The following TENM1 variants were observed in gnomAD, a reference collection of about 807,000 sequenced individuals.
The protein encoded by TENM1 is teneurin transmembrane protein 1.
A neutral mutation model predicts 174.8 loss-of-function variants in TENM1; 35 were observed. That is an observed-to-expected ratio of 0.20 (90% CI 0.15 to 0.27). The LOEUF is 0.27. Ranked by LOEUF, TENM1 falls within the 10% of genes least tolerant of loss-of-function variation. TENM1 has a pLI of 1.00. For missense variants in TENM1, 1,633 were observed against 2,130.1 expected (o/e 0.77, Z 4.59); for synonymous variants, 781 against 798.7 (o/e 0.98, Z 0.37).
At chrX:124,752,946 T>A (rs1465283323) in intron 3 of TENM1, among the ~76,000 whole-genome samples, 3 of 111,244 alleles carry the variant, frequency 2.7e-5, no homozygotes, top group Non-Finnish European at 5.7e-5. Context: ...AGCTTTGTTC[T>A]TTTGGCTTAG....
the TENM1 span, among the ~76,000 whole-genome samples, chrX:125,094,289 T>C: frequency 1.3e-4 from 15 of 111,995 alleles, no homozygotes; most frequent in Non-Finnish European, 1.3e-4. Flanking sequence ...ATCATACTTT[T>C]AATATTAAAT....
chrX:125,127,891 T>G, the TENM1 span, among the ~76,000 whole-genome samples: 1 of 111,185 alleles, frequency 9.0e-6, no homozygotes, highest in Admixed American at 9.6e-5. Flanking sequence ...ACCTCCCTTA[T>G]GAAGAGGTAG....
chrX:124,449,471 T>C (rs1315584077), intron 23 of TENM1, among the ~76,000 whole-genome samples: 1 of 112,401 alleles, frequency 8.9e-6, no homozygotes, highest in African/African-American at 3.2e-5. Flanking sequence ...ATAATTCTCT[T>C]TTCAACATAA....
chrX:124,659,786 T>C (rs1263614050), intron 6 of TENM1, among the ~76,000 whole-genome samples: 2 of 111,670 alleles, frequency 1.8e-5, no homozygotes, highest in Non-Finnish European at 3.8e-5. Context: ...GATATATAGA[T>C]CAATGGAATA....
chrX:124,382,656 A>C lies in TENM1; in HGVS notation c.7440+14T>G. On this transcript the variant is annotated intron_variant, in intron 31 of 31. Coordinates refer to ENST00000422452, the Ensembl canonical transcript of TENM1. ...TTGTTTCAGCTAAAAGGAGGTGATA[A>C]AACTTTTACTAACCTTTCCAGGATC... 2 of 1,202,171 alleles carry C rather than the reference A, an allele frequency of 1.7e-6. No individual in the cohort carries two copies. Among genetic ancestry groups the C allele is most frequent in the East Asian group, 6.0e-5 (2 of 33,274 alleles).
At chrX:124,717,760 C>T (rs1182771529) in intron 4 of TENM1, among the ~76,000 whole-genome samples, 2 of 111,986 alleles carry the variant, frequency 1.8e-5, no homozygotes, top group African/African-American at 3.2e-5. Context: ...AAACAGAGTT[C>T]ATGCATATAG....
At chrX:124,923,427 T>C (rs1210992225) in intron 1 of TENM1, among the ~76,000 whole-genome samples, 1 of 112,026 alleles carries the variant, frequency 8.9e-6, no homozygotes, top group Non-Finnish European at 1.9e-5. Flanking sequence ...TGTCTGGGAA[T>C]AAAATTTGTC....
At chrX:124,611,809 A>G (rs1426947653) in intron 11 of TENM1, among the ~76,000 whole-genome samples, 2 of 111,703 alleles carry the variant, frequency 1.8e-5, no homozygotes, top group Non-Finnish European at 3.8e-5. Context: ...ACATAATGCT[A>G]CCCATAACGA....
At chrX:124,511,896 T>C (rs922771513) in intron 18 of TENM1, among the ~76,000 whole-genome samples, 3 of 111,779 alleles carry the variant, frequency 2.7e-5, no homozygotes, top group African/African-American at 9.7e-5. Flanking sequence ...CAGACTCCTA[T>C]GTGTCGTGAA....
At chrX:124,453,010 TA>T (rs1007070247) in intron 23 of TENM1, among the ~76,000 whole-genome samples, 74 of 110,574 alleles carry the variant, frequency 6.7e-4, no homozygotes, top group South Asian at 3.5e-3. Flanking sequence ...TAAAGTATAA[TA>T]AAAAAAATAA....
chrX:124,451,326 T>C (rs1367659254), intron 23 of TENM1, among the ~76,000 whole-genome samples: 2 of 110,553 alleles, frequency 1.8e-5, no homozygotes, highest in Non-Finnish European at 3.8e-5. Context: ...AACAGTAAAA[T>C]AGATCTCAGA....
chrX:125,099,361 T>G, the TENM1 span, among the ~76,000 whole-genome samples: 1 of 112,280 alleles, frequency 8.9e-6, no homozygotes, highest in African/African-American at 3.2e-5. Context: ...ATGCACAGAT[T>G]CCGTGGCAAT....
the TENM1 span, among the ~76,000 whole-genome samples, chrX:125,176,709 C>G: frequency 9.0e-6 from 1 of 111,545 alleles, no homozygotes; most frequent in Non-Finnish European, 1.9e-5. Context: ...AAGGCATAAT[C>G]ATTGTGTGTT....
intron 1 of TENM1, among the ~76,000 whole-genome samples, chrX:124,911,329 G>C (rs142278828): frequency 1.8e-5 from 2 of 111,667 alleles, no homozygotes; most frequent in Non-Finnish European, 3.8e-5. Flanking sequence ...GTAGGATCCA[G>C]GCAGATTAGA....
chrX:124,619,170 G>C (rs2050460200), intron 11 of TENM1, among the ~76,000 whole-genome samples: 1 of 112,217 alleles, frequency 8.9e-6, no homozygotes, highest in Admixed American at 9.4e-5. Context: ...AAAACTTTCT[G>C]CTATGAATAA....
intron 3 of TENM1, among the ~76,000 whole-genome samples, chrX:124,814,693 G>C (rs1219749022): frequency 9.0e-6 from 1 of 111,245 alleles, no homozygotes; most frequent in Admixed American, 9.6e-5. Context: ...TAGTCTCCCT[G>C]TTTTAATTTA....
the TENM1 span, among the ~76,000 whole-genome samples, chrX:125,161,650 T>G: frequency 9.0e-6 from 1 of 110,758 alleles, no homozygotes; most frequent in African/African-American, 3.3e-5. Flanking sequence ...AAATGGAGAG[T>G]GACTGTTTAA....
intron 4 of TENM1, among the ~76,000 whole-genome samples, chrX:124,726,276 TAGTC>T (rs2053441374): frequency 8.9e-6 from 1 of 112,485 alleles, no homozygotes; most frequent in Non-Finnish European, 1.9e-5. Flanking sequence ...AAACTGAGAA[TAGTC>T]AGTTGAAAAG....
At chrX:124,777,435 C>G (rs1355618647) in intron 3 of TENM1, among the ~76,000 whole-genome samples, 2 of 111,545 alleles carry the variant, frequency 1.8e-5, no homozygotes, top group Non-Finnish European at 3.8e-5. Flanking sequence ...AGTACTTTGT[C>G]AAGTATTCAA....
Sources: allele counts gnomAD v4.1 joint callset (sites outside exome capture counted in the v4.1 genomes callset), GRCh38; gene constraint gnomAD v4.1.1; transcripts MANE v1.5; gene names NCBI Gene and HGNC (gene_info 2026-07-23, HGNC 2026-07-21).